ZC3H3: variants seen among roughly 807,000 people sequenced by gnomAD.
The protein encoded by ZC3H3 is zinc finger CCCH-type containing 3.
ZC3H3 carries 36 observed loss-of-function variants against 77.3 expected under a neutral mutation model. That is an observed-to-expected ratio of 0.47 (90% CI 0.36 to 0.61). The LOEUF is 0.61. Among genes scored for constraint, ZC3H3 ranks in the 20% least tolerant of loss-of-function variants. ZC3H3 has a pLI of 0.00. For missense variants in ZC3H3, 1,331 were observed against 1,312.2 expected (o/e 1.01, Z -0.22); for synonymous variants, 626 against 555.2 (o/e 1.13, Z -1.79).
intron 4 of ZC3H3, among the ~76,000 whole-genome samples, chr8:143,500,016 G>A (rs565852149): frequency 2.8e-4 from 42 of 151,802 alleles, no homozygotes; most frequent in Non-Finnish European, 4.6e-4. Flanking sequence ...TCCCACCTTC[G>A]ACACCACCCC....
Position 143,475,698 on chromosome 8 carries a change from C to T in ZC3H3, c.1716-113G>A, listed in dbSNP as rs1400475785. ...GCCTCCCAAGGGGGACAGGGAGCAGCACTTGCGGTGGGTACACACTCCAGC... is the reference window on the plus strand; with the variant it reads ...GCCTCCCAAGGGGGACAGGGAGCAGTACTTGCGGTGGGTACACACTCCAGC... On this transcript the variant is annotated intron_variant, in intron 4 of 11. Transcript: ENST00000262577. 4.8e-6 allele frequency: 6 copies of T among 1,258,170 alleles called. No homozygotes were observed. In the Admixed American group the frequency reaches 1.4e-4, roughly 29 times the overall value. The allele number at this position is 1,258,170 out of a possible 1,614,324, so 77.9% of individuals were successfully genotyped here. A position where few individuals can be genotyped will look rare whatever the true frequency, so the allele number is the denominator to read the frequency against.
At chr8:143,455,978 CAAAAAAAAAAAAA>C (rs58754874) in intron 9 of ZC3H3, among the ~76,000 whole-genome samples, 8 of 40,916 alleles carry the variant, frequency 2.0e-4, no homozygotes, top group African/African-American at 7.5e-4. Flanking sequence ...GACTCTGTCT[CAAAAAAAAAAAAA>C]AAAAAAAAAA....
intron 4 of ZC3H3, among the ~76,000 whole-genome samples, chr8:143,480,144 C>T (rs1463407136): frequency 6.6e-6 from 1 of 152,238 alleles, no homozygotes; most frequent in African/African-American, 2.4e-5. Flanking sequence ...ACTCCTGTCA[C>T]CTGTCCCCAG....
chr8:143,506,988 G>T (rs1821716764), intron 4 of ZC3H3, among the ~76,000 whole-genome samples: 1 of 152,254 alleles, frequency 6.6e-6, no homozygotes. Flanking sequence ...CGCGGGGAGG[G>T]TCAGAAGACA....
Position 143,468,270 on chromosome 8 carries a change from C to T in ZC3H3, c.2114G>A (p.Arg705Gln), listed in dbSNP as rs780720267. 44 of 1,613,068 alleles carry T rather than the reference C, an allele frequency of 2.7e-5. No homozygotes were observed. In the East Asian group the frequency reaches 2.9e-4, roughly 11 times the overall value. Residue 705 changes from arginine (R) to glutamine (Q), a missense_variant, in exon 8 of 12, where the codon CGG (arginine) becomes CAG (glutamine). Physicochemically the swap from Arg to Gln is conservative, Grantham distance 43 (BLOSUM62 1). Around this residue, in one of 3 missense-constraint regions of ZC3H3, gnomAD observed 104 missense variants for 159.7 expected, o/e 0.65. Coordinates refer to ENST00000262577, the MANE Select transcript of ZC3H3 (RefSeq NM_015117.3). ...CCCATCCGTTTTCTTGCAGGTGCCC[C>T]GGACAAACCTGCAGCACCAGGAGAA... ...EKVAVCTRFV[R>Q]GTCKKTDGTC...
intron 4 of ZC3H3, among the ~76,000 whole-genome samples, chr8:143,490,271 A>C (rs1011884524): frequency 1.3e-5 from 2 of 152,188 alleles, no homozygotes; most frequent in African/African-American, 4.8e-5. Flanking sequence ...CCCACATAGC[A>C]ATACAATAGA....
At chr8:143,512,874 G>C (rs912480513) in intron 3 of ZC3H3, among the ~76,000 whole-genome samples, 1 of 152,234 alleles carries the variant, frequency 6.6e-6, no homozygotes, top group Non-Finnish European at 1.5e-5. Flanking sequence ...TCAGTGGCGC[G>C]GGGAGGTACA....
At chr8:143,520,875 C>T (rs1297138923) in intron 3 of ZC3H3, among the ~76,000 whole-genome samples, 1 of 152,220 alleles carries the variant, frequency 6.6e-6, no homozygotes, top group Non-Finnish European at 1.5e-5. Context: ...CCAGGAGCTG[C>T]CCCCTCCCTG....
intron 4 of ZC3H3, among the ~76,000 whole-genome samples, chr8:143,476,375 TG>T (rs1224471440): frequency 6.6e-6 from 1 of 152,162 alleles, no homozygotes; most frequent in African/African-American, 2.4e-5. Flanking sequence ...CTGATGACCC[TG>T]GCTAGAGGAA....
chr8:143,492,151 C>G (rs574477573), intron 4 of ZC3H3, among the ~76,000 whole-genome samples: 14 of 152,306 alleles, frequency 9.2e-5, no homozygotes, highest in Middle Eastern at 3.4e-3. Flanking sequence ...AGGGTGGAGG[C>G]CTAAGAGGCA....
intron 4 of ZC3H3, among the ~76,000 whole-genome samples, chr8:143,491,402 T>C (rs1821197958): frequency 6.6e-6 from 1 of 152,224 alleles, no homozygotes; most frequent in South Asian, 2.1e-4. Context: ...AGGGAGCTCC[T>C]GCATCCTGTC....
chr8:143,449,032 G>C (rs576628485), intron 9 of ZC3H3, among the ~76,000 whole-genome samples: 1 of 152,348 alleles, frequency 6.6e-6, no homozygotes, highest in Non-Finnish European at 1.5e-5. Flanking sequence ...GCTGGAGCTG[G>C]ACTGGCTGGA....
chr8:143,445,729 G>A (rs1819849709), intron 9 of ZC3H3, among the ~76,000 whole-genome samples: 1 of 151,734 alleles, frequency 6.6e-6, no homozygotes, highest in Non-Finnish European at 1.5e-5. Context: ...TAAAAGGGAG[G>A]GTCTAACTGA....
rs1213969874 is a variant in ZC3H3, at chr8:143,482,925, G to A, written c.1716-7340C>T. ...AGCAGGTACCGGGCCACGGGGACAC[G>A]ACCTCAGGGCCTTCTAGGCCGGGGT... is the stretch of plus-strand genomic sequence containing the variant. On this transcript the variant is annotated intron_variant, in intron 4 of 11. Transcript: ENST00000262577. Among the ~76,000 whole-genome samples the A allele has an allele frequency of 3.3e-5, 5 of 152,214 alleles. No homozygotes were observed. In the South Asian group the frequency reaches 6.2e-4, roughly 19 times the overall value.
intron 5 of ZC3H3, among the ~76,000 whole-genome samples, chr8:143,473,407 G>A (rs1285932941): frequency 6.6e-6 from 1 of 152,186 alleles, no homozygotes; most frequent in Admixed American, 6.5e-5. Context: ...GTGGGCCCCA[G>A]GAATCTTCAC....
In ZC3H3 at chr8:143,536,410, C is replaced by A. The variant is rs201511669; in HGVS notation, c.1408G>T (p.Ala470Ser). 6.4e-7 allele frequency: 1 copy of A among 1,558,476 alleles called. No individual in the cohort carries two copies. The highest frequency in any genetic ancestry group is 8.7e-7 in the Non-Finnish European group (1 of 1,149,520). ...KKSGTSPAAT[A>S]KSHLSLRRRQ... ...CGCCGGAGGCTGAGGTGGCTCTTGGCGGTGGCGGCAGGTGAGGTGCCGCTT... is the reference window on the plus strand; with the variant it reads ...CGCCGGAGGCTGAGGTGGCTCTTGGAGGTGGCGGCAGGTGAGGTGCCGCTT... The change falls in exon 3 of 12, where the codon GCC (alanine) becomes TCC (serine). Residue 470 changes from alanine (A) to serine (S), a missense_variant. This residue lies in a region of ZC3H3 where 978 missense variants were observed against 915.5 expected (regional missense o/e 1.07). Coordinates refer to ENST00000262577, the MANE Select transcript of ZC3H3 (RefSeq NM_015117.3).
At chr8:143,528,839 G>C (rs1298768821) in intron 3 of ZC3H3, among the ~76,000 whole-genome samples, 1 of 152,240 alleles carries the variant, frequency 6.6e-6, no homozygotes, top group South Asian at 2.1e-4. Context: ...CTCTGGGAGG[G>C]GGGGCGCCTC....
intron 4 of ZC3H3, among the ~76,000 whole-genome samples, chr8:143,492,271 A>G (rs886163420): frequency 2.6e-5 from 4 of 152,066 alleles, no homozygotes; most frequent in African/African-American, 9.7e-5. Flanking sequence ...CACCCACTGA[A>G]AACACCACAG....
intron 4 of ZC3H3, among the ~76,000 whole-genome samples, chr8:143,477,560 G>A (rs1244017444): frequency 1.3e-5 from 2 of 152,186 alleles, no homozygotes; most frequent in Non-Finnish European, 2.9e-5. Context: ...TGCATGGCCT[G>A]TACCTTCAGC....
Sources: allele counts gnomAD v4.1 joint callset (sites outside exome capture counted in the v4.1 genomes callset), GRCh38; gene constraint gnomAD v4.1.1; regional missense constraint gnomAD v4.1.1; transcripts MANE v1.5; gene names NCBI Gene and HGNC (gene_info 2026-07-23, HGNC 2026-07-21).